The following WDFY1 variants were observed in gnomAD, a reference collection of about 807,000 sequenced individuals.
The protein encoded by WDFY1 is WD repeat and FYVE domain containing 1.
Under a neutral mutation model 56.4 loss-of-function variants are expected in WDFY1, and 32 were observed. The ratio of observed to expected loss-of-function variants is 0.57; its 90% CI spans 0.43 to 0.76. The LOEUF (loss-of-function observed/expected upper bound fraction) is 0.76, where lower values mean the gene tolerates loss of function less well. Among genes scored for constraint, WDFY1 ranks in the 30% least tolerant of loss-of-function variants. The pLI, the probability that WDFY1 is intolerant of heterozygous loss-of-function variation, is 0.00. For synonymous variants in WDFY1, 192 were observed against 197.3 expected (o/e 0.97, Z 0.23); for missense variants, 480 against 545.7 (o/e 0.88, Z 1.20).
intron 1 of WDFY1, among the ~76,000 whole-genome samples, chr2:223,942,206 C>T (rs1689316236): frequency 6.6e-6 from 1 of 152,038 alleles, no homozygotes; most frequent in African/African-American, 2.4e-5. Flanking sequence ...AATATTTGAC[C>T]GAATAAAGGC....
chr2:223,884,580 C>A, intron 9 of WDFY1, 68 bp downstream of exon 9: 1 of 1,467,866 alleles, frequency 6.8e-7, no homozygotes, highest in East Asian at 2.3e-5. Context: ...TCAAAAAAAC[C>A]CCAGATTAAG....
At chr2:223,923,799 A>T (rs1197661687) in intron 1 of WDFY1, among the ~76,000 whole-genome samples, 1 of 152,188 alleles carries the variant, frequency 6.6e-6, no homozygotes, top group Non-Finnish European at 1.5e-5. Context: ...CTAATCACTG[A>T]AGTGTCAAGA....
chr2:223,928,986 T>A (rs959770191), intron 1 of WDFY1, among the ~76,000 whole-genome samples: 11 of 152,078 alleles, frequency 7.2e-5, no homozygotes, highest in African/African-American at 1.2e-4. Context: ...GGGGCCTTGA[T>A]AGCATCGTTC....
At chr2:223,896,342 A>AC (rs1693376813) in intron 6 of WDFY1, among the ~76,000 whole-genome samples, 4 of 19,230 alleles carry the variant, frequency 2.1e-4, no homozygotes, top group African/African-American at 5.2e-4. Context: ...CCTACACAAG[A>AC]TAAAAAATCT....
Position 223,899,073 on chromosome 2 carries a change from G to A in WDFY1, c.486-3C>T. 1 of 1,612,056 alleles carries A rather than the reference G, an allele frequency of 6.2e-7. No homozygotes were observed. Reference sequence around the variant, plus strand: ...CATACTGAGTGTCAAAGTCATATCTGAGGAGAAGCAGTCAAGGATGTAGAA... The same window carrying A: ...CATACTGAGTGTCAAAGTCATATCTAAGGAGAAGCAGTCAAGGATGTAGAA... On this transcript the variant is annotated splice_polypyrimidine_tract_variant and splice_region_variant and intron_variant, in intron 5 of 11. Coordinates refer to ENST00000233055, the MANE Select transcript of WDFY1 (RefSeq NM_020830.5).
At chr2:223,891,088 C>T (rs1693267757) in intron 8 of WDFY1, among the ~76,000 whole-genome samples, 1 of 151,940 alleles carries the variant, frequency 6.6e-6, no homozygotes, top group African/African-American at 2.4e-5. Context: ...CCTATAAAAC[C>T]CTAAAGGCCA....
At chr2:223,908,570 C>A (rs1693640647) in intron 3 of WDFY1, among the ~76,000 whole-genome samples, 1 of 152,154 alleles carries the variant, frequency 6.6e-6, no homozygotes, top group Non-Finnish European at 1.5e-5. Context: ...GGCTCCCAGT[C>A]CTCTGGCTTT....
chr2:223,894,445 T>A, intron 7 of WDFY1, 106 bp from the exon 8 acceptor site: 6 of 1,053,866 alleles, frequency 5.7e-6, no homozygotes, highest in Non-Finnish European at 8.6e-6. Context: ...GCAAGTGGTA[T>A]TTTACCACTG....
intron 2 of WDFY1, among the ~76,000 whole-genome samples, chr2:223,912,709 A>T (rs1693725716): frequency 6.6e-6 from 1 of 152,170 alleles, no homozygotes; most frequent in Non-Finnish European, 1.5e-5. Flanking sequence ...GTCAAAGAGT[A>T]GCTGTGCAAA....
In WDFY1 at chr2:223,882,620, T is replaced by C. The variant is rs552465393; in HGVS notation, c.934-548A>G. 3.9e-5 allele frequency among the ~76,000 whole-genome samples: 6 copies of C among 152,356 alleles called. No individual in the cohort carries two copies. The Middle Eastern group carries it at 0.01, about 259-fold the overall frequency. On this transcript the variant is annotated intron_variant, in intron 9 of 11. Coordinates refer to ENST00000233055, the MANE Select transcript of WDFY1 (RefSeq NM_020830.5). ...TTCATTCATATTATCTGTCTACATGTTAACAAACAATATTATTAACAACAA... is the reference window on the plus strand; with the variant it reads ...TTCATTCATATTATCTGTCTACATGCTAACAAACAATATTATTAACAACAA...
intron 3 of WDFY1, among the ~76,000 whole-genome samples, chr2:223,911,095 A>G (rs1693690561): frequency 6.6e-6 from 1 of 152,210 alleles, no homozygotes. Flanking sequence ...ATTAATTCAA[A>G]CAGGCATGAA....
At chr2:223,924,475 T>C (rs965599482) in intron 1 of WDFY1, among the ~76,000 whole-genome samples, 8 of 152,212 alleles carry the variant, frequency 5.3e-5, no homozygotes, top group Admixed American at 5.2e-4. Context: ...GCGATTCTCA[T>C]GCCTCAGCCT....
chr2:223,938,288 C>T (rs1689235315), intron 1 of WDFY1, among the ~76,000 whole-genome samples: 2 of 152,320 alleles, frequency 1.3e-5, no homozygotes, highest in Admixed American at 1.3e-4. Flanking sequence ...ATAGCCTTAA[C>T]TTATTTATAA....
intron 1 of WDFY1, among the ~76,000 whole-genome samples, chr2:223,924,883 G>GAACT (rs59007883): frequency 0.86 from 131,096 of 151,684 alleles, 57,121 homozygotes; most frequent in Non-Finnish European, 0.93. Context: ...TTGTAAATTA[G>GAACT]AACTATTTGG....
chr2:223,942,497 C>CA (rs1326054525), intron 1 of WDFY1, among the ~76,000 whole-genome samples: 1 of 145,532 alleles, frequency 6.9e-6, no homozygotes, highest in Non-Finnish European at 1.5e-5. Context: ...GGATTACAGG[C>CA]ATGAGCCACT....
At chr2:223,890,172 A>G (rs1237926060) in intron 8 of WDFY1, among the ~76,000 whole-genome samples, 1 of 152,196 alleles carries the variant, frequency 6.6e-6, no homozygotes, top group Non-Finnish European at 1.5e-5. Flanking sequence ...TTACAGGTTT[A>G]AGAAAGAATA....
At chr2:223,913,955 T>C (rs1693746091) in intron 2 of WDFY1, among the ~76,000 whole-genome samples, 1 of 150,052 alleles carries the variant, frequency 6.7e-6, no homozygotes, top group African/African-American at 2.5e-5. Flanking sequence ...AGGGGTTGGA[T>C]ATAAAGCAAA....
At chr2:223,918,565 A>G (rs1693833309) in intron 1 of WDFY1, among the ~76,000 whole-genome samples, 1 of 151,944 alleles carries the variant, frequency 6.6e-6, no homozygotes, top group African/African-American at 2.4e-5. Context: ...CGGGAGGCAG[A>G]GCTTACAGTG....
chr2:223,904,081 T>C (rs116732724), intron 4 of WDFY1, among the ~76,000 whole-genome samples: 1,643 of 152,292 alleles, frequency 0.011, 28 homozygotes, highest in African/African-American at 0.037. Flanking sequence ...CTGCACATGA[T>C]GGCTGAGAAT....
Sources: gnomAD v4.1 joint callset for allele counts (sites outside exome capture counted in the v4.1 genomes callset) on GRCh38, gnomAD v4.1.1 for gene constraint, MANE v1.5 for transcripts, NCBI Gene and HGNC (gene_info 2026-07-23, HGNC 2026-07-21) for gene names.